Variants in DACH2 observed in about 807,000 individuals in gnomAD.
DACH2 encodes dachshund homolog 2.
DACH2 carries 17 observed loss-of-function variants against 35.8 expected under a neutral mutation model. The ratio of observed to expected loss-of-function variants is 0.48; its 90% CI spans 0.33 to 0.71. DACH2 has a LOEUF of 0.71. Among genes scored for constraint, DACH2 ranks in the 30% least tolerant of loss-of-function variants. The pLI is 0.02. For missense variants in DACH2, 469 were observed against 472.7 expected, an observed-to-expected ratio of 0.99 and a Z score of 0.07; for synonymous variants, 195 against 177.3, an observed-to-expected ratio of 1.10 and a Z score of -0.79.
At chrX:86,498,716 A>C (rs189983686) in intron 2 of DACH2, among the ~76,000 whole-genome samples, 1 of 112,351 alleles carries the variant, frequency 8.9e-6, no homozygotes, top group East Asian at 2.8e-4. Context: ...AATTGCCATA[A>C]ATTTTAATGA....
intron 1 of DACH2, among the ~76,000 whole-genome samples, chrX:86,252,016 T>A (rs1308889188): frequency 2.7e-5 from 3 of 111,536 alleles, no homozygotes; most frequent in Non-Finnish European, 5.7e-5. Flanking sequence ...TATTATTTAT[T>A]TTTTTATTGT....
chrX:86,598,008 A>G (rs2039734875), intron 3 of DACH2, among the ~76,000 whole-genome samples: 1 of 111,553 alleles, frequency 9.0e-6, no homozygotes, highest in African/African-American at 3.3e-5. Context: ...GTGGCAGACA[A>G]GAGAAGGGAG....
intron 2 of DACH2, among the ~76,000 whole-genome samples, chrX:86,401,330 G>A (rs1024231262): frequency 2.7e-5 from 3 of 112,136 alleles, no homozygotes; most frequent in Non-Finnish European, 3.8e-5. Context: ...CACTTCCCGG[G>A]TGAGGTGATG....
chrX:86,342,366 T>C (rs1158899064), intron 1 of DACH2, among the ~76,000 whole-genome samples: 1 of 110,769 alleles, frequency 9.0e-6, no homozygotes, highest in African/African-American at 3.3e-5. Context: ...CTGAGTTATG[T>C]GGAGCACACC....
At chrX:86,261,894 A>T (rs1326961776) in intron 1 of DACH2, among the ~76,000 whole-genome samples, 1 of 111,114 alleles carries the variant, frequency 9.0e-6, no homozygotes, top group Non-Finnish European at 1.9e-5. Context: ...GAGTGAAGTG[A>T]TTATTTTCAA....
At chrX:86,432,435 C>G (rs192862601) in intron 2 of DACH2, among the ~76,000 whole-genome samples, 1 of 112,169 alleles carries the variant, frequency 8.9e-6, no homozygotes, top group East Asian at 2.8e-4. Flanking sequence ...AAGAGAGTTA[C>G]TGCCATTAGT....
chrX:86,601,920 A>G, intron 3 of DACH2, among the ~76,000 whole-genome samples: 1 of 112,160 alleles, frequency 8.9e-6, no homozygotes, highest in Non-Finnish European at 1.9e-5. Flanking sequence ...TTTAGAGTAT[A>G]CCATTCTATA....
intron 7 of DACH2, among the ~76,000 whole-genome samples, chrX:86,784,910 A>G (rs930544497): frequency 1.8e-5 from 2 of 111,431 alleles, no homozygotes; most frequent in Non-Finnish European, 3.8e-5. Context: ...CTCACTAATA[A>G]GTTGGAGCTA....
At chrX:86,575,196 A>T (rs984673785) in intron 3 of DACH2, among the ~76,000 whole-genome samples, 2 of 111,240 alleles carry the variant, frequency 1.8e-5, no homozygotes, top group African/African-American at 6.5e-5. Context: ...GTGAAGACTG[A>T]TGCCAACTTT....
intron 2 of DACH2, among the ~76,000 whole-genome samples, chrX:86,495,488 G>A (rs1251254612): frequency 9.1e-6 from 1 of 110,145 alleles, no homozygotes; most frequent in Non-Finnish European, 1.9e-5. Context: ...GGTCAGCAAA[G>A]CTATGGACTC....
intron 1 of DACH2, among the ~76,000 whole-genome samples, chrX:86,213,681 T>G (rs1179466158): frequency 9.0e-6 from 1 of 110,804 alleles, no homozygotes; most frequent in Non-Finnish European, 1.9e-5. Context: ...CTTGGCTCTC[T>G]GTTCTTATAC....
chrX:86,636,700 A>C (rs1484221464), intron 3 of DACH2, among the ~76,000 whole-genome samples: 1 of 111,284 alleles, frequency 9.0e-6, no homozygotes, highest in Non-Finnish European at 1.9e-5. Context: ...ATCATCCACA[A>C]AAATTAACTC....
chrX:86,677,927 A>C (rs2040839989), intron 4 of DACH2, among the ~76,000 whole-genome samples: 1 of 112,165 alleles, frequency 8.9e-6, no homozygotes, highest in South Asian at 3.7e-4. Context: ...TTATTCAGGC[A>C]GCATTAGATA....
At chrX:86,484,785 A>G (rs760614951) in intron 2 of DACH2, among the ~76,000 whole-genome samples, 23 of 112,475 alleles carry the variant, frequency 2.0e-4, no homozygotes, top group Non-Finnish European at 3.9e-4. Context: ...ACAGGAAAGT[A>G]TAAGTGATCT....
intron 2 of DACH2, among the ~76,000 whole-genome samples, chrX:86,438,125 C>CATCT (rs2037098033): frequency 9.2e-6 from 1 of 108,269 alleles, no homozygotes; most frequent in South Asian, 4.1e-4. Flanking sequence ...CAAGTGAGAA[C>CATCT]ATCTGGTATT....
At chrX:86,457,515 A>G (rs1464171527) in intron 2 of DACH2, among the ~76,000 whole-genome samples, 1 of 112,280 alleles carries the variant, frequency 8.9e-6, no homozygotes, top group African/African-American at 3.2e-5. Flanking sequence ...TACTATGTTG[A>G]ACTTTATTAA....
intron 7 of DACH2, among the ~76,000 whole-genome samples, chrX:86,805,014 C>T (rs2042329523): frequency 8.9e-6 from 1 of 112,234 alleles, no homozygotes; most frequent in South Asian, 3.7e-4. Context: ...TGGTGGCCCC[C>T]TGTCACAGCT....
At position 86,150,100 on chromosome X, in the gene DACH2, T is replaced by C. The variant is rs1238993552; in HGVS notation, c.488+992T>C. ...ATGAGAAGCAAATTGTGTTCAATGT[T>C]TCTGAGTTTAAAAAGAAAAAAAGTA... On this transcript the variant is annotated intron_variant, in intron 1 of 11. Coordinates refer to ENST00000373125, the MANE Select transcript of DACH2 (RefSeq NM_053281.3). Among the ~76,000 whole-genome samples the C allele has an allele frequency of 2.8e-5, 3 of 108,587 alleles. No individual in the cohort carries two copies. The Admixed American group carries it at 3.0e-4, about 11-fold the overall frequency. The allele number at this position is 108,587 out of a possible 115,157, so 94.3% of individuals were successfully genotyped here. A position where few individuals can be genotyped will look rare whatever the true frequency, so the allele number is the denominator to read the frequency against.
chrX:86,723,426 A>G (rs2041431198), intron 6 of DACH2, among the ~76,000 whole-genome samples: 1 of 108,918 alleles, frequency 9.2e-6, no homozygotes, highest in African/African-American at 3.3e-5. Context: ...TGAAGTAGGC[A>G]GTTAACGGTA....
Sources: gnomAD v4.1 joint callset for allele counts (sites outside exome capture counted in the v4.1 genomes callset) on GRCh38, gnomAD v4.1.1 for gene constraint, MANE v1.5 for transcripts, NCBI Gene and HGNC (gene_info 2026-07-23, HGNC 2026-07-21) for gene names.